The following NRG1 variants were observed in gnomAD, a reference collection of about 807,000 sequenced individuals.
NRG1 encodes neuregulin 1, also known as pro-neuregulin-1, membrane-bound isoform.
In NRG1, 18 loss-of-function variants were observed where a neutral mutation model predicts 63.8. That is an observed-to-expected ratio of 0.28 (90% confidence interval 0.19 to 0.42). The LOEUF (loss-of-function observed/expected upper bound fraction) is 0.42. Among genes scored for constraint, NRG1 ranks in the 10% least tolerant of loss-of-function variants. The pLI is 1.00. For missense variants in NRG1, 762 were observed against 814.7 expected (o/e 0.94, Z 0.79); for synonymous variants, 302 against 301.3 (o/e 1.00, Z -0.02).
chr8:32,742,883 A>G lies in NRG1; in HGVS notation c.691+150A>G. The G allele has an allele frequency of 6.4e-7, 1 of 1,551,170 alleles. No homozygotes were observed. Among genetic ancestry groups the G allele is most frequent in the Non-Finnish European group, 8.7e-7 (1 of 1,145,592 alleles). ...GACTGCCTCTGCCTGTCGCATGAGA[A>G]CATTAACAAAAGCAATTGTATTACT... On this transcript the variant is annotated intron_variant, in intron 7 of 11. Transcript: ENST00000356819. This position sits in a 1 kb window ranked among gnomAD's most constrained non-coding sequence, Gnocchi z 4.2.
intron 1 of NRG1, among the ~76,000 whole-genome samples, chr8:32,435,917 T>C (rs1275148957): frequency 6.6e-6 from 1 of 152,198 alleles, no homozygotes; most frequent in Non-Finnish European, 1.5e-5. Context: ...TAAAATGTTT[T>C]TTATTCTTCA....
intron 1 of NRG1, among the ~76,000 whole-genome samples, chr8:32,261,817 T>A (rs1174790850): frequency 6.6e-6 from 1 of 152,218 alleles, no homozygotes. Flanking sequence ...TAATACTTTG[T>A]GATGAATGTT....
At chr8:32,662,136 C>G (rs897862673) in intron 5 of NRG1, among the ~76,000 whole-genome samples, 1 of 152,170 alleles carries the variant, frequency 6.6e-6, no homozygotes, top group Non-Finnish European at 1.5e-5. Context: ...GTGTACATCT[C>G]TTATGTATCA....
At chr8:32,348,451 A>AT (rs1259833667) in intron 1 of NRG1, among the ~76,000 whole-genome samples, 1 of 152,078 alleles carries the variant, frequency 6.6e-6, no homozygotes, top group Non-Finnish European at 1.5e-5. Context: ...CTAAAGCCAT[A>AT]TTTTTCAGTC....
chr8:32,755,929 A>G (rs1346270300), intron 8 of NRG1, among the ~76,000 whole-genome samples: 1 of 151,962 alleles, frequency 6.6e-6, no homozygotes, highest in Non-Finnish European at 1.5e-5. Context: ...TTTTGTAGAG[A>G]CAGGACTTCT....
intron 1 of NRG1, among the ~76,000 whole-genome samples, chr8:32,089,451 A>G (rs1314099850): frequency 6.6e-6 from 1 of 152,212 alleles, no homozygotes; most frequent in Non-Finnish European, 1.5e-5. Flanking sequence ...TAGCAATAAT[A>G]ATAACACTAC....
intron 1 of NRG1, among the ~76,000 whole-genome samples, chr8:32,026,517 T>G (rs187607998): frequency 3.9e-4 from 60 of 152,320 alleles, no homozygotes; most frequent in African/African-American, 1.3e-3. Flanking sequence ...ACATTTTCTT[T>G]CCTTGAATTT....
chr8:32,336,047 C>T (rs570596078), intron 1 of NRG1, among the ~76,000 whole-genome samples: 15 of 152,222 alleles, frequency 9.9e-5, no homozygotes, highest in African/African-American at 2.4e-4. Flanking sequence ...ACCCAAAGGA[C>T]GCTATTACTA....
chr8:31,860,029 G>C (rs1004842729), intron 1 of NRG1, among the ~76,000 whole-genome samples: 29 of 152,170 alleles, frequency 1.9e-4, no homozygotes, highest in African/African-American at 6.5e-4. Flanking sequence ...GTTACTTGGG[G>C]GCAAGACATG....
At chr8:31,860,684 C>A (rs566461314) in intron 1 of NRG1, among the ~76,000 whole-genome samples, 1 of 152,194 alleles carries the variant, frequency 6.6e-6, no homozygotes, top group South Asian at 2.1e-4. Flanking sequence ...GATTATTTGG[C>A]GTGTTTGAAT....
chr8:32,009,076 T>C (rs1233415595), intron 1 of NRG1, among the ~76,000 whole-genome samples: 1 of 152,088 alleles, frequency 6.6e-6, no homozygotes, highest in Non-Finnish European at 1.5e-5. Flanking sequence ...ACACTGGTTA[T>C]TTTTAGGGAG....
chr8:32,021,314 T>C (rs920001418), intron 1 of NRG1, among the ~76,000 whole-genome samples: 1 of 152,102 alleles, frequency 6.6e-6, no homozygotes, highest in Admixed American at 6.5e-5. Flanking sequence ...TTCTGCATCA[T>C]AACATGACAG....
At chr8:31,781,234 C>G (rs903844186) in intron 1 of NRG1, among the ~76,000 whole-genome samples, 8 of 152,028 alleles carry the variant, frequency 5.3e-5, no homozygotes, top group African/African-American at 1.9e-4. Context: ...TTGATTGAAG[C>G]CTTTCTGTGT....
Position 32,050,967 on chromosome 8 carries a change from T to G in NRG1, c.37+411536T>G, listed in dbSNP as rs1371277789. On this transcript the variant is annotated intron_variant, in intron 1 of 10. Transcript: ENST00000519301. ...AGAGAAAATATTACAGATCAGAAAA[T>G]GAAAAAGCCAAAGGGGAGAGATAAG... Among the ~76,000 whole-genome samples the G allele has an allele frequency of 2.0e-5, 3 of 151,754 alleles. No homozygotes were observed. The East Asian group carries it at 5.8e-4, about 29-fold the overall frequency.
chr8:32,520,323 CTTTT>C (rs554244569), intron 1 of NRG1, among the ~76,000 whole-genome samples: 1 of 140,230 alleles, frequency 7.1e-6, no homozygotes, highest in African/African-American at 2.6e-5. Context: ...TGTCCAGCTA[CTTTT>C]TTTTTTTTTT....
intron 1 of NRG1, among the ~76,000 whole-genome samples, chr8:31,862,331 A>G (rs1475747523): frequency 6.6e-6 from 1 of 152,196 alleles, no homozygotes; most frequent in Non-Finnish European, 1.5e-5. Flanking sequence ...TTCAAGCTGT[A>G]AAGCATTTCT....
chr8:32,280,371 G>A (rs1344318079), intron 1 of NRG1, among the ~76,000 whole-genome samples: 1 of 152,234 alleles, frequency 6.6e-6, no homozygotes, highest in African/African-American at 2.4e-5. Context: ...CTGGAAATAA[G>A]TAGGAATTGC....
At chr8:32,725,463 A>ACTTTTTTTTTTTTTTTTTTT (rs1564036802) in intron 5 of NRG1, among the ~76,000 whole-genome samples, 1 of 102,562 alleles carries the variant, frequency 9.8e-6, no homozygotes. Context: ...CAAACTTCCT[A>ACTTTTTTTTTTTTTTTTTTT]ATTTTTTTTT....
intron 1 of NRG1, among the ~76,000 whole-genome samples, chr8:32,236,151 G>A (rs553235136): frequency 1.4e-5 from 2 of 145,990 alleles, no homozygotes; most frequent in Admixed American, 6.7e-5. Flanking sequence ...GTGTGTGAAT[G>A]TGTGTGTGTG....
Sources: allele counts gnomAD v4.1 joint callset (sites outside exome capture counted in the v4.1 genomes callset), GRCh38; gene constraint gnomAD v4.1.1; non-coding constraint Gnocchi (gnomAD v3.1); transcripts MANE v1.5; gene names NCBI Gene and HGNC (gene_info 2026-07-23, HGNC 2026-07-21).